The following ADCY1 variants were observed in gnomAD, a reference collection of about 807,000 sequenced individuals.
The protein encoded by ADCY1 is adenylate cyclase type 1.
ADCY1 carries 28 observed loss-of-function variants against 105.4 expected under a neutral mutation model. The ratio of observed to expected loss-of-function variants is 0.27; its 90% CI spans 0.20 to 0.36. The LOEUF (loss-of-function observed/expected upper bound fraction) is 0.36, where lower values mean the gene tolerates loss of function less well. ADCY1 is among the 10% of genes least tolerant of loss of function. The pLI, the probability that ADCY1 is intolerant of heterozygous loss-of-function variation, is 1.00. For missense variants in ADCY1, 977 were observed against 1,434.2 expected, an observed-to-expected ratio of 0.68 and a Z score of 5.15; for synonymous variants, 655 against 623.8, an observed-to-expected ratio of 1.05 and a Z score of -0.75.
rs1261972648 is a variant in ADCY1, at chr7:45,575,429, CAG to C, written c.639+248_639+249del. 3.9e-5 allele frequency among the ~76,000 whole-genome samples: 6 copies of C among 152,232 alleles called. No individual in the cohort carries two copies. Among genetic ancestry groups the C allele is most frequent in the African/African-American group, 2.4e-5 (1 of 41,456 alleles). On this transcript the variant is annotated intron_variant, in intron 1 of 19. Transcript: ENST00000297323. The surrounding 1 kb of genome is among the most constrained non-coding windows in gnomAD (Gnocchi z 4.7). ...TGGCGTGAAGTGTGGAGAGGGGAGA[CAG>C]GTGTGGAGAGAGAAAGGTTTGGCCA... is the stretch of plus-strand genomic sequence containing the variant.
At chr7:45,696,921 T>G (rs756249431) in intron 14 of ADCY1, among the ~76,000 whole-genome samples, 35 of 152,192 alleles carry the variant, frequency 2.3e-4, no homozygotes, top group African/African-American at 6.7e-4. Context: ...TGGGCAGGTG[T>G]TGTTTGCTCC....
chr7:45,722,038 A>G lies in ADCY1; in HGVS notation c.*8043A>G. 2 of 389,238 alleles carry G rather than the reference A, an allele frequency of 5.1e-6. No homozygotes were observed. The highest frequency in any genetic ancestry group is 9.1e-6 in the Non-Finnish European group (2 of 220,336). The allele number at this position is 389,238 out of a possible 1,614,324, so 24.1% of individuals were successfully genotyped here. On this transcript the variant is annotated 3_prime_UTR_variant, in exon 20 of 20. Transcript: ENST00000297323. ...CACCTCCCAGGTGAGGGCAGTGGGAAGCTGGCCCGACGGCAGCCAGAACTT... is the reference window on the plus strand; with the variant it reads ...CACCTCCCAGGTGAGGGCAGTGGGAGGCTGGCCCGACGGCAGCCAGAACTT...
At chr7:45,662,732 GAGCAAAAC>G (rs1795164803) in intron 8 of ADCY1, among the ~76,000 whole-genome samples, 1 of 152,104 alleles carries the variant, frequency 6.6e-6, no homozygotes, top group Non-Finnish European at 1.5e-5. Context: ...ACGTCCAGAC[GAGCAAAAC>G]AGCAAAACAG....
intron 6 of ADCY1, among the ~76,000 whole-genome samples, chr7:45,658,951 C>T (rs1186752486): frequency 6.6e-6 from 1 of 152,200 alleles, no homozygotes; most frequent in Non-Finnish European, 1.5e-5. Flanking sequence ...AGGGACTGGG[C>T]CCGGGGATCC....
Position 45,721,785 on chromosome 7 carries a change from T to C in ADCY1, c.*7790T>C, listed in dbSNP as rs1319755360. 1 of 398,504 alleles carries C rather than the reference T, an allele frequency of 2.5e-6. No homozygotes were observed. Among genetic ancestry groups the C allele is most frequent in the South Asian group, 1.3e-4 (1 of 7,864 alleles). 24.7% of individuals were successfully genotyped at this position (398,504 alleles called of 1,614,324 possible). On this transcript the variant is annotated 3_prime_UTR_variant, in exon 20 of 20. Coordinates refer to ENST00000297323, the MANE Select transcript of ADCY1 (RefSeq NM_021116.4). ...GAGATTTGACAACCACCAGAGCACA[T>C]GTGCTCTGACCCTCTCCTGGGCATT...
rs73694835 is a variant in ADCY1 at position 45,701,445 on chromosome 7, G to A, written c.2455-1931G>A. Among the ~76,000 whole-genome samples the A allele has an allele frequency of 7.7e-3, 1,173 of 152,230 alleles. 19 individuals are homozygous for A. The highest frequency in any genetic ancestry group is 0.027 in the African/African-American group (1,125 of 41,560). On this transcript the variant is annotated intron_variant, in intron 14 of 19. Coordinates refer to ENST00000297323, the MANE Select transcript of ADCY1 (RefSeq NM_021116.4). ...CACAATGCCATAAACCTAGATTATG[G>A]TTTTTAATCAAAGCATATTCAATTA...
chr7:45,648,532 C>T (rs1229852622), intron 4 of ADCY1, 138 bp from the exon 5 acceptor site: 6 of 1,142,906 alleles, frequency 5.2e-6, no homozygotes, highest in Admixed American at 2.1e-5. Context: ...GTGGCCTGGG[C>T]GGGAAGGTGG....
At chr7:45,661,718 G>A (rs922695007) in intron 7 of ADCY1, among the ~76,000 whole-genome samples, 5 of 152,270 alleles carry the variant, frequency 3.3e-5, no homozygotes, top group African/African-American at 1.2e-4. Context: ...GAAACTGAAC[G>A]GGGTAACAAA....
Position 45,643,348 on chromosome 7 carries a change from T to C in ADCY1, c.1021-5322T>C, listed in dbSNP as rs555751944. 2.0e-5 allele frequency among the ~76,000 whole-genome samples: 3 copies of C among 151,636 alleles called. No individual in the cohort carries two copies. In the South Asian group the frequency reaches 6.2e-4, roughly 31 times the overall value. Reference sequence around the variant, plus strand: ...ATTCACTTCACTCCTTGGATTTTTATATTTGTATCTTTTTGGTGATGCTGA... The same window carrying C: ...ATTCACTTCACTCCTTGGATTTTTACATTTGTATCTTTTTGGTGATGCTGA... On this transcript the variant is annotated intron_variant, in intron 4 of 19. Transcript: ENST00000297323.
chr7:45,637,539 T>C (rs1013289802), intron 4 of ADCY1, among the ~76,000 whole-genome samples: 2 of 151,914 alleles, frequency 1.3e-5, no homozygotes, highest in Non-Finnish European at 2.9e-5. Flanking sequence ...CTGGACAACA[T>C]AATGAGACCC....
chr7:45,673,180 G>A (rs59814147), intron 8 of ADCY1, among the ~76,000 whole-genome samples: 1 of 150,110 alleles, frequency 6.7e-6, no homozygotes, highest in East Asian at 1.9e-4. Flanking sequence ...AATTTTATTT[G>A]CTAATATTTT....
At chr7:45,698,028 G>T (rs1784919181) in intron 14 of ADCY1, among the ~76,000 whole-genome samples, 1 of 152,194 alleles carries the variant, frequency 6.6e-6, no homozygotes, top group Non-Finnish European at 1.5e-5. Context: ...ACAGGGCCAT[G>T]GATGGGACAA....
At chr7:45,636,655 C>T (rs1794405190) in intron 4 of ADCY1, among the ~76,000 whole-genome samples, 1 of 152,202 alleles carries the variant, frequency 6.6e-6, no homozygotes, top group Non-Finnish European at 1.5e-5. Context: ...ATTCTCCTGC[C>T]TCAACCTCTC....
intron 14 of ADCY1, among the ~76,000 whole-genome samples, chr7:45,698,329 A>C (rs1279491478): frequency 1.3e-5 from 2 of 152,172 alleles, no homozygotes; most frequent in Non-Finnish European, 2.9e-5. Context: ...TAATTCATTG[A>C]ATTGTTCAAA....
intron 1 of ADCY1, among the ~76,000 whole-genome samples, chr7:45,582,095 C>T (rs1792566359): frequency 6.6e-6 from 1 of 152,102 alleles, no homozygotes; most frequent in Non-Finnish European, 1.5e-5. Flanking sequence ...TGCATGCTCA[C>T]CCACTTATAG....
intron 2 of ADCY1, among the ~76,000 whole-genome samples, chr7:45,605,416 G>A (rs1374151835): frequency 3.3e-5 from 5 of 152,108 alleles, no homozygotes; most frequent in African/African-American, 7.2e-5. Flanking sequence ...CCCAGTGAAA[G>A]CATTCAATGT....
chr7:45,622,066 G>T (rs897239193), intron 3 of ADCY1, among the ~76,000 whole-genome samples: 3 of 152,164 alleles, frequency 2.0e-5, no homozygotes, highest in African/African-American at 7.2e-5. Context: ...GTACGTAGAG[G>T]CTTTGATGCA....
At chr7:45,672,978 C>CCCCCTCAATTCCTAGTTTTCTGATAAATT (rs1275101565) in intron 8 of ADCY1, among the ~76,000 whole-genome samples, 7 of 152,084 alleles carry the variant, frequency 4.6e-5, no homozygotes, top group Non-Finnish European at 1.0e-4. Context: ...TGGAGAAGTT[C>CCCCCTCAATTCCTAGTTTTCTGATAAATT]CCCCTCAATT....
At chr7:45,635,224 G>C (rs1241640807) in intron 4 of ADCY1, among the ~76,000 whole-genome samples, 2 of 151,124 alleles carry the variant, frequency 1.3e-5, no homozygotes, top group African/African-American at 4.9e-5. Flanking sequence ...AATCTATAGT[G>C]ATGTCACCTC....
Sources: gnomAD v4.1 joint callset for allele counts (sites outside exome capture counted in the v4.1 genomes callset) on GRCh38, gnomAD v4.1.1 for gene constraint, Gnocchi (gnomAD v3.1) non-coding constraint, MANE v1.5 for transcripts, NCBI Gene and HGNC (gene_info 2026-07-23, HGNC 2026-07-21) for gene names.